The following WDR55 variants were observed in gnomAD, a reference collection of about 807,000 sequenced individuals.
WDR55 encodes WD repeat-containing protein 55.
WDR55 carries 31 observed loss-of-function variants against 34.0 expected under a neutral mutation model. The ratio of observed to expected loss-of-function variants is 0.91; its 90% CI spans 0.69 to 1.23. The LOEUF (loss-of-function observed/expected upper bound fraction) is 1.23, where lower values mean the gene tolerates loss of function less well. Ranked by LOEUF, WDR55 falls within the 50% of genes most tolerant of loss-of-function variation. The probability of loss-of-function intolerance (pLI) is 0.00; values close to 1 mark genes in which losing one functional copy is unlikely to be tolerated. For synonymous variants in WDR55, 164 were observed against 185.9 expected (o/e 0.88, Z 0.96); for missense variants, 440 against 494.6 (o/e 0.89, Z 1.05).
Position 140,671,258 on chromosome 5 carries a change from T to G in WDR55, c.*1604T>G. On this transcript the variant is annotated 3_prime_UTR_variant, in exon 7 of 7. Coordinates refer to ENST00000358337, the MANE Select transcript of WDR55 (RefSeq NM_017706.5). ...GATGGGGCCTGACACAGGCTCTGCA[T>G]GCCCATTCAGGGTGCCTGTGGAGAA... 6.2e-7 allele frequency: 1 copy of G among 1,610,734 alleles called. No homozygotes were observed. The highest frequency in any genetic ancestry group is 8.5e-7 in the Non-Finnish European group (1 of 1,178,522).
intron 1 of WDR55, among the ~76,000 whole-genome samples, chr5:140,666,024 C>A (rs898456311): frequency 6.6e-6 from 1 of 151,934 alleles, no homozygotes; most frequent in Non-Finnish European, 1.5e-5. Flanking sequence ...CAATGGTCTG[C>A]TTTTAGGATT....
Position 140,669,523 on chromosome 5 carries a change from A to G in WDR55, c.1021A>G (p.Lys341Glu). ...VVDDYRRRKK[K>E]GGPLRALSSK... ...GGATGACTACCGTCGGCGCAAAAAA[A>G]AGGGAGGACCACTGCGGGCTCTGAG... Residue 341 changes from lysine (K) to glutamate (E), a missense_variant, in exon 7 of 7, where the codon AAG becomes GAG. Lys to Glu is a moderately conservative substitution (Grantham distance 56). Transcript: ENST00000358337. 6 of 1,614,110 alleles carry G rather than the reference A, an allele frequency of 3.7e-6. No homozygotes were observed. Among genetic ancestry groups the G allele is most frequent in the Non-Finnish European group, 5.1e-6 (6 of 1,179,988 alleles).
Position 140,668,776 on chromosome 5 carries a change from T to G in WDR55, c.545T>G (p.Leu182Arg), listed in dbSNP as rs1757984416. The G allele has an allele frequency of 6.2e-7, 1 of 1,613,834 alleles. No homozygotes were observed. Among genetic ancestry groups the G allele is most frequent in the Non-Finnish European group, 8.5e-7 (1 of 1,179,874 alleles). The change falls in exon 4 of 7, where the codon CTG (leucine) becomes CGG (arginine). Residue 182 changes from leucine (L) to arginine (R), a missense_variant. By Grantham distance (102) the Leu-to-Arg change is moderately radical. Transcript: ENST00000358337. Reference protein sequence around the residue: ...ADMALDPAKKLLLTASGDGCL... With the variant: ...ADMALDPAKKRLLTASGDGCL... ...ATGGCTCTGGATCCAGCCAAAAAGCTGCTGCTGACAGCCAGGTACAACTTC... is the reference window on the plus strand; with the variant it reads ...ATGGCTCTGGATCCAGCCAAAAAGCGGCTGCTGACAGCCAGGTACAACTTC...
Position 140,668,333 on chromosome 5 carries a change from G to C in WDR55, c.291G>C (p.Gln97His). Residue 97 changes from glutamine (Q) to histidine (H), a missense_variant and splice_region_variant, in exon 2 of 7, where the codon CAG becomes CAC. By Grantham distance (24) the Gln-to-His change is conservative. Transcript: ENST00000358337. ...CRAVAFSEDG[Q>H]KLITVSKDKA... ...CTGTGGCCTTCTCTGAAGATGGGCA[G>C]AGTGAGTACTGGGGAAGACAACCAG... The C allele has an allele frequency of 6.2e-7, 1 of 1,614,216 alleles. No individual in the cohort carries two copies. The highest frequency in any genetic ancestry group is 8.5e-7 in the Non-Finnish European group (1 of 1,180,038).
intron 1 of WDR55, chr5:140,666,907 A>G (rs1757938243): frequency 1.0e-6 from 1 of 985,348 alleles, no homozygotes; most frequent in Non-Finnish European, 1.2e-6. Flanking sequence ...GATTTTGAAC[A>G]AAAGATACAG....
At chr5:140,666,800 T>C in intron 1 of WDR55, 3 of 985,444 alleles carry the variant, frequency 3.0e-6, no homozygotes, top group Non-Finnish European at 3.6e-6. Context: ...ATGACTAGAA[T>C]GTGAAAAAAC....
intron 1 of WDR55, among the ~76,000 whole-genome samples, chr5:140,665,433 A>G (rs1757895536): frequency 2.6e-5 from 4 of 152,166 alleles, no homozygotes; most frequent in Admixed American, 2.6e-4. Context: ...ATCTGGGCTC[A>G]CTGCAACCTC....
chr5:140,668,607 T>C lies in WDR55; in HGVS notation c.381-5T>C. On this transcript the variant is annotated splice_polypyrimidine_tract_variant and splice_region_variant and intron_variant, in intron 3 of 6. Transcript: ENST00000358337. The stretch of plus-strand genomic sequence containing the variant: ...CTCCAAGAAGTTCTACATCTGTGTC[T>C]CTAGTGCCCCCATCAATAGTCTTCT... 6.2e-7 allele frequency: 1 copy of C among 1,603,098 alleles called. No individual in the cohort carries two copies. Among genetic ancestry groups the C allele is most frequent in the Non-Finnish European group, 8.5e-7 (1 of 1,174,052 alleles).
Position 140,669,678 on chromosome 5 carries a change from G to A in WDR55, c.*24G>A, listed in dbSNP as rs767669831. ...GAAGGAATGAATTGAATCTTGAGAC[G>A]GGTCCTCACCAGGCAAGAGTCTTGC... is the stretch of plus-strand genomic sequence containing the variant. On this transcript the variant is annotated 3_prime_UTR_variant, in exon 7 of 7. Transcript: ENST00000358337. The A allele has an allele frequency of 6.9e-6, 11 of 1,596,794 alleles. No homozygotes were observed. Among genetic ancestry groups the A allele is most frequent in the East Asian group, 2.2e-5 (1 of 44,592 alleles).
At position 140,665,004 on chromosome 5, in the gene WDR55, C is replaced by T. The variant is rs753318118; in HGVS notation, c.92C>T (p.Thr31Ile). 7 of 1,613,882 alleles carry T rather than the reference C, an allele frequency of 4.3e-6. No homozygotes were observed. Among genetic ancestry groups the T allele is most frequent in the African/African-American group, 4.0e-5 (3 of 74,946 alleles). Residue 31 changes from threonine to isoleucine, a missense_variant, in exon 1 of 7, where the codon ACT (threonine) becomes ATT (isoleucine). By Grantham distance (89) the Thr-to-Ile change is moderately conservative. Coordinates refer to ENST00000358337, the MANE Select transcript of WDR55 (RefSeq NM_017706.5). ...SMEAPTRIRD[T>I]PEDIVLEAPA... ...GAAGCCCCAACCCGGATCCGGGACA[C>T]TCCGGAAGACATCGTGCTGGAAGCT...
At chr5:140,668,192 G>A (rs1757968136) in intron 1 of WDR55, 42 bp from the exon 2 acceptor site, 1 of 1,546,538 alleles carries the variant, frequency 6.5e-7, no homozygotes, top group Non-Finnish European at 8.7e-7. Context: ...ATGCAACCCA[G>A]GCTGGGTCTG....
chr5:140,669,651 C>CTG lies in WDR55; in HGVS notation c.1150_1151dup (p.Ter384CysfsTer6), dbSNP rs769772367. ...AGGAGGAGACTGGGGATGACAGTGACTGAAGGAATGAATTGAATCTTGAGA... is the reference window on the plus strand; with the variant it reads ...AGGAGGAGACTGGGGATGACAGTGACTGTGAAGGAATGAATTGAATCTTGAGA... On this transcript the variant is annotated frameshift_variant, in exon 7 of 7. Coordinates refer to ENST00000358337, the MANE Select transcript of WDR55 (RefSeq NM_017706.5). LOFTEE classifies it high-confidence loss of function. The CTG allele has an allele frequency of 6.2e-7, 1 of 1,611,108 alleles. No homozygotes were observed. Among genetic ancestry groups the CTG allele is most frequent in the African/African-American group, 1.3e-5 (1 of 74,744 alleles).
chr5:140,667,296 C>A, intron 1 of WDR55: 1 of 333,928 alleles, frequency 3.0e-6, no homozygotes, highest in Non-Finnish European at 4.3e-6. Flanking sequence ...TGAAAAGGTT[C>A]CTTTTCCGAG....
In WDR55 at chr5:140,669,512, G is replaced by T; in HGVS notation, c.1010G>T (p.Arg337Leu). ...GCTGTGGTGGTGGATGACTACCGTC[G>T]GCGCAAAAAAAAGGGAGGACCACTG... ...LRAVVVDDYR[R>L]RKKKGGPLRA... is the part of the protein sequence containing the mutation. The change falls in exon 7 of 7, where the codon CGG becomes CTG. Residue 337 changes from arginine to leucine, a missense_variant. Arg to Leu is a moderately radical substitution (Grantham distance 102). Coordinates refer to ENST00000358337, the MANE Select transcript of WDR55 (RefSeq NM_017706.5). 1 of 1,613,780 alleles carries T rather than the reference G, an allele frequency of 6.2e-7. No homozygotes were observed. The highest frequency in any genetic ancestry group is 8.5e-7 in the Non-Finnish European group (1 of 1,179,894).
chr5:140,668,558 G>A, intron 3 of WDR55, 54 bp from the exon 4 acceptor site: 1 of 1,610,358 alleles, frequency 6.2e-7, no homozygotes. Context: ...TAAGGACCAG[G>A]AGGTCCCCAC....
In WDR55 at chr5:140,670,451, C is replaced by G. The variant is rs1326180398; in HGVS notation, c.*797C>G. On this transcript the variant is annotated 3_prime_UTR_variant, in exon 7 of 7. Transcript: ENST00000358337. ...GCAACCTCCGCCTCCCGGGTTCAAG[C>G]AATTCTCCTGCCTCAGCCTCCCAAG... 1 of 151,242 alleles carries G rather than the reference C, an allele frequency of 6.6e-6. No homozygotes were observed. Among genetic ancestry groups the G allele is most frequent in the Admixed American group, 6.6e-5 (1 of 15,096 alleles). The allele number at this position is 151,242 out of a possible 1,614,324, so 9.4% of individuals were successfully genotyped here.
At chr5:140,666,864 CTCTAG>C (rs148598540) in intron 1 of WDR55, 12,936 of 985,292 alleles carry the variant, frequency 0.013, 357 homozygotes, top group African/African-American at 0.11. Flanking sequence ...TATCTCCAAC[CTCTAG>C]TCTAGGGTAG....
Position 140,669,244 on chromosome 5 carries a change from A to G in WDR55, c.826A>G (p.Ile276Val). ...GTGTACTGGCTCCACTGATGGAGTC[A>G]TCAGGTGAGGGAAGCCTGGACAGCC... ...LLCTGSTDGV[I>V]RAVNILPNRV... Residue 276 changes from isoleucine (I) to valine (V), a missense_variant, in exon 6 of 7, where the codon ATC (isoleucine) becomes GTC (valine). Transcript: ENST00000358337. The G allele has an allele frequency of 6.2e-7, 1 of 1,613,586 alleles. No homozygotes were observed. The highest frequency in any genetic ancestry group is 8.5e-7 in the Non-Finnish European group (1 of 1,180,006).
rs771250177 is a variant in WDR55 at position 140,669,327 on chromosome 5, G to A, written c.831-6G>A. ...CAGTACTCAACACTGTTCTTTCCCT[G>A]CCCAGGGCTGTGAACATCCTACCGA... On this transcript the variant is annotated splice_region_variant and splice_polypyrimidine_tract_variant and intron_variant, in intron 6 of 6. Coordinates refer to ENST00000358337, the MANE Select transcript of WDR55 (RefSeq NM_017706.5). 2 of 1,610,316 alleles carry A rather than the reference G, an allele frequency of 1.2e-6. No homozygotes were observed. Among genetic ancestry groups the A allele is most frequent in the Admixed American group, 3.3e-5 (2 of 59,892 alleles).
Sources: gnomAD v4.1 joint callset for allele counts (sites outside exome capture counted in the v4.1 genomes callset) on GRCh38, gnomAD v4.1.1 for gene constraint, MANE v1.5 for transcripts, NCBI Gene and HGNC (gene_info 2026-07-23, HGNC 2026-07-21) for gene names.